ACTR3: variants seen among roughly 807,000 people sequenced by gnomAD.
The protein encoded by ACTR3 is actin related protein 3.
Under a neutral mutation model 56.8 loss-of-function variants are expected in ACTR3, and 12 were observed. The observed-to-expected ratio is 0.21, with a 90% CI of 0.14 to 0.34. ACTR3 has a LOEUF of 0.34. ACTR3 is among the 10% of genes least tolerant of loss of function. The pLI, the probability that ACTR3 is intolerant of heterozygous loss-of-function variation, is 1.00. For synonymous variants in ACTR3, 162 were observed against 167.4 expected, an observed-to-expected ratio of 0.97 and a Z score of 0.25; for missense variants, 282 against 512.5, an observed-to-expected ratio of 0.55 and a Z score of 4.34.
intron 4 of ACTR3, among the ~76,000 whole-genome samples, chr2:113,928,528 T>A (rs1679660002): frequency 6.6e-6 from 1 of 152,190 alleles, no homozygotes. Context: ...TGGCAAACTT[T>A]CTAAGGGAGC....
intron 1 of ACTR3, among the ~76,000 whole-genome samples, chr2:113,896,493 A>T (rs909931931): frequency 3.3e-5 from 5 of 152,050 alleles, no homozygotes; most frequent in Non-Finnish European, 7.4e-5. Context: ...AGCCTGAGTG[A>T]TTGGGACAAT....
At chr2:113,944,592 A>C (rs1679983682) in intron 8 of ACTR3, among the ~76,000 whole-genome samples, 1 of 146,666 alleles carries the variant, frequency 6.8e-6, no homozygotes, top group Admixed American at 6.7e-5. Context: ...ACTAAAAAAA[A>C]AAAAAAAAAA....
intron 2 of ACTR3, among the ~76,000 whole-genome samples, chr2:113,914,850 T>C (rs1050165548): frequency 3.3e-5 from 5 of 152,194 alleles, no homozygotes; most frequent in African/African-American, 1.2e-4. Flanking sequence ...TTAGTTGATA[T>C]TGATGAAACA....
In ACTR3 at chr2:113,957,714, C is replaced by A; in HGVS notation, c.*259C>A. On this transcript the variant is annotated 3_prime_UTR_variant, in exon 12 of 12. Transcript: ENST00000263238. ...GAAGTGGGTTTTAGTTCTTTCTGTGCCCTGATATTTTGTATATTAATGAAT... is the reference window on the plus strand; with the variant it reads ...GAAGTGGGTTTTAGTTCTTTCTGTGACCTGATATTTTGTATATTAATGAAT... 2.6e-6 allele frequency: 1 copy of A among 387,126 alleles called. No individual in the cohort carries two copies. Among genetic ancestry groups the A allele is most frequent in the Non-Finnish European group, 4.7e-6 (1 of 211,514 alleles). 24.0% of individuals were successfully genotyped at this position (387,126 alleles called of 1,614,324 possible).
intron 1 of ACTR3, among the ~76,000 whole-genome samples, chr2:113,905,503 C>G (rs1679176487): frequency 6.6e-6 from 1 of 151,688 alleles, no homozygotes; most frequent in South Asian, 2.1e-4. Flanking sequence ...GTATAATACT[C>G]ATAAAGTTTA....
At chr2:113,950,032 C>T (rs906543137) in intron 8 of ACTR3, among the ~76,000 whole-genome samples, 4 of 152,140 alleles carry the variant, frequency 2.6e-5, no homozygotes, top group African/African-American at 9.7e-5. Flanking sequence ...CTTGAGAGCG[C>T]TGAATTAGTG....
At chr2:113,950,122 A>G (rs1257945498) in intron 8 of ACTR3, among the ~76,000 whole-genome samples, 1 of 152,230 alleles carries the variant, frequency 6.6e-6, no homozygotes, top group African/African-American at 2.4e-5. Flanking sequence ...TTGTTATCCC[A>G]TTAACATATA....
chr2:113,918,906 G>A (rs780098549), intron 3 of ACTR3, among the ~76,000 whole-genome samples: 8 of 152,114 alleles, frequency 5.3e-5, no homozygotes, highest in Non-Finnish European at 7.3e-5. Flanking sequence ...TATTAGTGAC[G>A]GCAGTGGGGA....
At chr2:113,922,773 G>C (rs757732737) in intron 3 of ACTR3, among the ~76,000 whole-genome samples, 1 of 152,186 alleles carries the variant, frequency 6.6e-6, no homozygotes, top group African/African-American at 2.4e-5. Flanking sequence ...TAAAGGTGAT[G>C]GGTCAAAATC....
chr2:113,921,961 C>T (rs181574919), intron 3 of ACTR3, among the ~76,000 whole-genome samples: 1 of 152,250 alleles, frequency 6.6e-6, no homozygotes, highest in East Asian at 1.9e-4. Context: ...GCGAAAGAGA[C>T]TGAGAATGCA....
chr2:113,916,808 A>G, intron 2 of ACTR3, 76 bp from the exon 3 acceptor site: 1 of 1,300,638 alleles, frequency 7.7e-7, no homozygotes, highest in Non-Finnish European at 1.0e-6. Flanking sequence ...GTACTTTGTA[A>G]TGGGAGAAGT....
intron 3 of ACTR3, among the ~76,000 whole-genome samples, chr2:113,919,146 ACTTAACT>A (rs1679461565): frequency 6.6e-6 from 1 of 152,248 alleles, no homozygotes; most frequent in Non-Finnish European, 1.5e-5. Flanking sequence ...CTTAACAAAT[ACTTAACT>A]CTTAAATATG....
intron 3 of ACTR3, among the ~76,000 whole-genome samples, chr2:113,922,811 A>G (rs934162099): frequency 6.4e-4 from 97 of 152,244 alleles, no homozygotes; most frequent in African/African-American, 2.2e-3. Flanking sequence ...TGGCTAGGGA[A>G]TAATTAAAGC....
chr2:113,919,039 T>G (rs570558641), intron 3 of ACTR3, among the ~76,000 whole-genome samples: 1 of 152,328 alleles, frequency 6.6e-6, no homozygotes, highest in African/African-American at 2.4e-5. Flanking sequence ...TCATACAACT[T>G]TGGTGGTTAT....
chr2:113,912,306 A>G (rs992515812), intron 1 of ACTR3, among the ~76,000 whole-genome samples: 1 of 152,128 alleles, frequency 6.6e-6, no homozygotes, highest in African/African-American at 2.4e-5. Flanking sequence ...ATAAAATGTT[A>G]CATTCTCTTT....
intron 1 of ACTR3, among the ~76,000 whole-genome samples, chr2:113,902,935 A>T (rs567933041): frequency 6.6e-6 from 1 of 152,346 alleles, no homozygotes; most frequent in East Asian, 1.9e-4. Flanking sequence ...ACCTTGTGTC[A>T]TGAGTCTTAC....
At chr2:113,952,687 T>C (rs967956188) in intron 10 of ACTR3, 1 of 152,092 alleles carries the variant, frequency 6.6e-6, no homozygotes, top group African/African-American at 2.4e-5. Context: ...TGAGTAAACC[T>C]ATCCCTAGGA....
chr2:113,940,569 C>T (rs1191131678), intron 7 of ACTR3, among the ~76,000 whole-genome samples: 2 of 152,058 alleles, frequency 1.3e-5, no homozygotes, highest in Non-Finnish European at 1.5e-5. Context: ...TGAAGGCTAT[C>T]TAAAGTATTT....
chr2:113,937,090 C>T (rs955409525), intron 6 of ACTR3, among the ~76,000 whole-genome samples: 3 of 152,050 alleles, frequency 2.0e-5, no homozygotes, highest in African/African-American at 7.2e-5. Context: ...TACCCAGTAG[C>T]AAAAAGTTAT....
Sources: allele counts gnomAD v4.1 joint callset (sites outside exome capture counted in the v4.1 genomes callset), GRCh38; gene constraint gnomAD v4.1.1; transcripts MANE v1.5; gene names NCBI Gene and HGNC (gene_info 2026-07-23, HGNC 2026-07-21).